Variants in FLT1 observed in about 807,000 individuals in gnomAD.
FLT1 encodes vascular endothelial growth factor receptor 1.
FLT1 carries 49 observed loss-of-function variants against 156.3 expected under a neutral mutation model. The observed-to-expected ratio is 0.31, with a 90% CI of 0.25 to 0.40. FLT1 has a LOEUF of 0.40. Ranked by LOEUF, FLT1 falls within the 10% of genes least tolerant of loss-of-function variation. The pLI is 1.00. For missense variants in FLT1, 1,322 were observed against 1,637.2 expected (o/e 0.81, Z 3.32); for synonymous variants, 594 against 583.8 (o/e 1.02, Z -0.25).
chr13:28,349,804 T>C (rs1872686063), intron 15 of FLT1, among the ~76,000 whole-genome samples: 1 of 152,124 alleles, frequency 6.6e-6, no homozygotes, highest in Non-Finnish European at 1.5e-5. Flanking sequence ...ATTTAAGGAA[T>C]CAGCCCATTA....
chr13:28,333,461 C>T (rs1872001261), intron 18 of FLT1, among the ~76,000 whole-genome samples: 1 of 152,150 alleles, frequency 6.6e-6, no homozygotes, highest in South Asian at 2.1e-4. Context: ...TTGGTTCTAC[C>T]TCCCAGTGCT....
intron 1 of FLT1, among the ~76,000 whole-genome samples, chr13:28,469,704 A>G (rs577928222): frequency 6.6e-6 from 1 of 152,196 alleles, no homozygotes; most frequent in East Asian, 1.9e-4. Context: ...AAATTAACAT[A>G]TGCTTTTCTG....
At chr13:28,316,638 CTTT>C (rs572382294) in intron 25 of FLT1, among the ~76,000 whole-genome samples, 4 of 134,640 alleles carry the variant, frequency 3.0e-5, no homozygotes, top group Non-Finnish European at 4.8e-5. Context: ...CTAAAAGGTT[CTTT>C]TTTTTTTTTT....
Position 28,494,921 on chromosome 13 carries a change from T to G in FLT1, c.-78A>C. On this transcript the variant is annotated 5_prime_UTR_variant, in exon 1 of 30. Transcript: ENST00000282397. ...GACCCGGCCGCCAGAGTCCGTCCTC[T>G]CGTTCGCCGCCGCCGGCCCCGCGCC... 8.3e-7 allele frequency: 1 copy of G among 1,199,470 alleles called. No individual in the cohort carries two copies. The highest frequency in any genetic ancestry group is 1.6e-5 in the African/African-American group (1 of 62,096). The allele number at this position is 1,199,470 out of a possible 1,614,324, so 74.3% of individuals were successfully genotyped here. A position where few individuals can be genotyped will look rare whatever the true frequency, so the allele number is the denominator to read the frequency against.
rs1881701128 is a variant in FLT1 at position 28,495,124 on chromosome 13, T to A, written c.-281A>T. On this transcript the variant is annotated 5_prime_UTR_variant, in exon 1 of 30. Coordinates refer to ENST00000282397, the MANE Select transcript of FLT1 (RefSeq NM_002019.4). This position sits in a 1 kb window ranked among gnomAD's most constrained non-coding sequence, Gnocchi z 4.1. ...GCGCGCTCCGAGCCTCCCGCGGACCTCGATGAAGAGCAGCCGAGGGCGGGG... is the reference window on the plus strand; with the variant it reads ...GCGCGCTCCGAGCCTCCCGCGGACCACGATGAAGAGCAGCCGAGGGCGGGG... 1 of 438,202 alleles carries A rather than the reference T, an allele frequency of 2.3e-6. No homozygotes were observed. The highest frequency in any genetic ancestry group is 4.5e-5 in the Admixed American group (1 of 22,004). 27.1% of individuals were successfully genotyped at this position (438,202 alleles called of 1,614,324 possible).
intron 1 of FLT1, among the ~76,000 whole-genome samples, chr13:28,490,574 C>A (rs1168957651): frequency 6.6e-6 from 1 of 152,104 alleles, no homozygotes; most frequent in Admixed American, 6.5e-5. Flanking sequence ...CCACAGCACC[C>A]AAGAGTGTGA....
chr13:28,357,868 C>CTTTTTTTTTTTTTTTTTTTTT lies in FLT1; in HGVS notation c.2117-204_2117-184dup, dbSNP rs57304530. The stretch of plus-strand genomic sequence containing the variant: ...CCAGGCTTTCTTTTTCTTTTCTTTC[C>CTTTTTTTTTTTTTTTTTTTTT]TTTTTTTTTTTTTTTTTTTTTCTGC... On this transcript the variant is annotated intron_variant, in intron 14 of 29. Transcript: ENST00000282397. 3.0e-4 allele frequency among the ~76,000 whole-genome samples: 31 copies of CTTTTTTTTTTTTTTTTTTTTT among 104,720 alleles called. 1 individual carries two copies. The highest frequency in any genetic ancestry group is 1.0e-3 in the African/African-American group (27 of 26,966). The allele number at this position is 104,720 out of a possible 152,430, so 68.7% of individuals were successfully genotyped here.
At chr13:28,392,826 T>C (rs1204505621) in intron 12 of FLT1, among the ~76,000 whole-genome samples, 1 of 152,192 alleles carries the variant, frequency 6.6e-6, no homozygotes, top group East Asian at 1.9e-4. Context: ...CAAATTCGTT[T>C]TGAGGCCTGT....
chr13:28,335,761 A>G (rs1028610089), intron 17 of FLT1, among the ~76,000 whole-genome samples: 3 of 152,318 alleles, frequency 2.0e-5, no homozygotes. Context: ...TTCCTCCCAG[A>G]GCATGCAACA....
intron 16 of FLT1, among the ~76,000 whole-genome samples, chr13:28,345,099 A>G (rs1872515169): frequency 6.6e-6 from 1 of 152,022 alleles, no homozygotes; most frequent in Non-Finnish European, 1.5e-5. Flanking sequence ...CACCGTGCCC[A>G]GTCTCCTTTT....
At chr13:28,425,560 C>T (rs1184211393) in intron 10 of FLT1, among the ~76,000 whole-genome samples, 1 of 152,072 alleles carries the variant, frequency 6.6e-6, no homozygotes, top group Non-Finnish European at 1.5e-5. Context: ...TGTTCTATCA[C>T]CATAATTGTT....
At chr13:28,454,012 G>A (rs1290301960) in intron 3 of FLT1, among the ~76,000 whole-genome samples, 5 of 152,034 alleles carry the variant, frequency 3.3e-5, no homozygotes, top group Admixed American at 3.3e-4. Flanking sequence ...GAGGAAGAGT[G>A]AGCTGTTACA....
At chr13:28,391,538 A>G (rs150654583) in intron 12 of FLT1, among the ~76,000 whole-genome samples, 180 of 152,362 alleles carry the variant, frequency 1.2e-3, no homozygotes, top group Non-Finnish European at 2.1e-3. Flanking sequence ...TACATCTTAC[A>G]TATATTGATT....
intron 14 of FLT1, among the ~76,000 whole-genome samples, chr13:28,364,090 C>T (rs1223613563): frequency 2.6e-5 from 4 of 152,128 alleles, no homozygotes; most frequent in Admixed American, 2.6e-4. Flanking sequence ...GTCTTTTTGT[C>T]AACGATTTTA....
intron 3 of FLT1, among the ~76,000 whole-genome samples, chr13:28,451,691 TGTGTCGAA>T (rs2137587533): frequency 6.6e-6 from 1 of 152,260 alleles, no homozygotes; most frequent in East Asian, 1.9e-4. Flanking sequence ...GGAGTCGGGC[TGTGTCGAA>T]GTGCTGCGCT....
At chr13:28,307,052 T>C (rs190706824) in intron 28 of FLT1, among the ~76,000 whole-genome samples, 6 of 152,372 alleles carry the variant, frequency 3.9e-5, no homozygotes, top group Admixed American at 2.0e-4. Flanking sequence ...GCATTTTCCA[T>C]AGTAAACTGT....
intron 14 of FLT1, among the ~76,000 whole-genome samples, chr13:28,373,235 T>C (rs930757741): frequency 6.6e-6 from 1 of 152,238 alleles, no homozygotes; most frequent in East Asian, 1.9e-4. Flanking sequence ...TTCTCAGTGA[T>C]GCTCAGTTTA....
chr13:28,491,226 C>T (rs548284582), intron 1 of FLT1, among the ~76,000 whole-genome samples: 5 of 152,162 alleles, frequency 3.3e-5, no homozygotes, highest in African/African-American at 9.6e-5. Context: ...AGAAATGTCT[C>T]GATCATTTTT....
chr13:28,306,672 T>G lies in FLT1; in HGVS notation c.3815+6A>C. On this transcript the variant is annotated splice_donor_region_variant and intron_variant, in intron 29 of 29. Transcript: ENST00000282397. ...ACTGATCACAGAAAAGATACCCAAT[T>G]CTTACTCAATCTTGAGCGAGGCCTT... 2.5e-6 allele frequency: 4 copies of G among 1,601,844 alleles called. No individual in the cohort carries two copies. The highest frequency in any genetic ancestry group is 3.4e-6 in the Non-Finnish European group (4 of 1,168,966).
Sources: gnomAD v4.1 joint callset for allele counts (sites outside exome capture counted in the v4.1 genomes callset) on GRCh38, gnomAD v4.1.1 for gene constraint, Gnocchi (gnomAD v3.1) non-coding constraint, MANE v1.5 for transcripts, NCBI Gene and HGNC (gene_info 2026-07-23, HGNC 2026-07-21) for gene names.